The following GATAD2B variants were observed in gnomAD, a reference collection of about 807,000 sequenced individuals.
GATAD2B encodes the protein transcriptional repressor p66-beta.
Under a neutral mutation model 64.3 loss-of-function variants are expected in GATAD2B, and 8 were observed. The observed-to-expected ratio is 0.12, with a 90% CI of 0.07 to 0.22. GATAD2B has a LOEUF of 0.22. Ranked by LOEUF, GATAD2B falls within the 10% of genes least tolerant of loss-of-function variation. The pLI is 1.00. For missense variants in GATAD2B, 453 were observed against 752.0 expected, an observed-to-expected ratio of 0.60 and a Z score of 4.65; for synonymous variants, 281 against 271.3, an observed-to-expected ratio of 1.04 and a Z score of -0.35.
intron 1 of GATAD2B, among the ~76,000 whole-genome samples, chr1:153,854,792 G>T (rs1179755368): frequency 2.0e-5 from 3 of 152,100 alleles, no homozygotes; most frequent in Non-Finnish European, 4.4e-5. Context: ...AATTGCAAAA[G>T]GAAAAACACA....
Position 153,876,227 on chromosome 1 carries a change from C to CAAAAAAAAAAAAAAAAAAAAAAAAAAA in GATAD2B, c.-2+46479_-2+46505dup, listed in dbSNP as rs71093296. On this transcript the variant is annotated intron_variant, in intron 1 of 10. Coordinates refer to ENST00000368655, the MANE Select transcript of GATAD2B (RefSeq NM_020699.4). ...TGGGCAACACAGTGAGACTTCGTCT[C>CAAAAAAAAAAAAAAAAAAAAAAAAAAA]AAAAAAAAAAAAAAAAAAAAAAAAA... is the stretch of plus-strand genomic sequence containing the variant. 1.0e-4 allele frequency among the ~76,000 whole-genome samples: 5 copies of CAAAAAAAAAAAAAAAAAAAAAAAAAAA among 48,430 alleles called. 1 individual carries two copies. The highest frequency in any genetic ancestry group is 1.4e-4 in the Non-Finnish European group (4 of 28,612). 31.8% of individuals were successfully genotyped at this position (48,430 alleles called of 152,430 possible).
At chr1:153,904,040 G>A (rs1420824522) in intron 1 of GATAD2B, among the ~76,000 whole-genome samples, 1 of 152,078 alleles carries the variant, frequency 6.6e-6, no homozygotes, top group African/African-American at 2.4e-5. Context: ...CAGCACTTCG[G>A]GAAGGTAAGG....
intron 2 of GATAD2B, among the ~76,000 whole-genome samples, chr1:153,821,508 A>T (rs1246291690): frequency 6.6e-6 from 1 of 152,168 alleles, no homozygotes; most frequent in African/African-American, 2.4e-5. Flanking sequence ...CACTAGAGGG[A>T]GAAAAGAGCC....
chr1:153,828,497 T>C (rs992652799), intron 1 of GATAD2B, 149 bp from the exon 2 acceptor site: 6 of 603,590 alleles, frequency 9.9e-6, no homozygotes, highest in Non-Finnish European at 1.4e-5. Flanking sequence ...CACACAAAGT[T>C]CAAAGTTAAC....
intron 1 of GATAD2B, among the ~76,000 whole-genome samples, chr1:153,883,832 G>A (rs1298870894): frequency 4.0e-5 from 6 of 151,870 alleles, no homozygotes; most frequent in Non-Finnish European, 7.4e-5. Context: ...AGTACTCTAC[G>A]TTTACTATAT....
At chr1:153,871,135 C>T (rs373409208) in intron 1 of GATAD2B, among the ~76,000 whole-genome samples, 14 of 151,926 alleles carry the variant, frequency 9.2e-5, no homozygotes, top group Middle Eastern at 3.4e-3. Flanking sequence ...GGCGCGATCT[C>T]GGCTCACCAC....
At chr1:153,873,394 T>C (rs1371149674) in intron 1 of GATAD2B, among the ~76,000 whole-genome samples, 9 of 152,340 alleles carry the variant, frequency 5.9e-5, no homozygotes, top group African/African-American at 2.2e-4. Flanking sequence ...TGGTGCCCAA[T>C]GCAGGCGTGT....
chr1:153,847,153 G>C (rs1675715008), intron 1 of GATAD2B, among the ~76,000 whole-genome samples: 1 of 151,938 alleles, frequency 6.6e-6, no homozygotes, highest in Admixed American at 6.6e-5. Context: ...TTTTAGTGGA[G>C]ACAGGGTTTC....
rs1674320121 is a variant in GATAD2B, at chr1:153,812,310, C to T, written c.1420-178G>A. 3 of 558,042 alleles carry T rather than the reference C, an allele frequency of 5.4e-6. No homozygotes were observed. The Admixed American group carries it at 9.8e-5, about 18-fold the overall frequency. 34.6% of individuals were successfully genotyped at this position (558,042 alleles called of 1,614,324 possible). On this transcript the variant is annotated intron_variant, in intron 8 of 10. Transcript: ENST00000368655. Reference sequence around the variant, plus strand: ...CTCCCCAAAGTGCTGGGATTACAGGCATGAATCACTGCACCTGGCCCACCC... The same window carrying T: ...CTCCCCAAAGTGCTGGGATTACAGGTATGAATCACTGCACCTGGCCCACCC...
At chr1:153,896,706 G>C (rs1210819732) in intron 1 of GATAD2B, among the ~76,000 whole-genome samples, 2 of 152,086 alleles carry the variant, frequency 1.3e-5, no homozygotes. Flanking sequence ...AAAGTGCTGG[G>C]ATTACAGGCA....
At chr1:153,867,026 C>T (rs2101926118) in intron 1 of GATAD2B, among the ~76,000 whole-genome samples, 1 of 152,232 alleles carries the variant, frequency 6.6e-6, no homozygotes, top group African/African-American at 2.4e-5. Context: ...GATCTGCCTG[C>T]CTCAGTCTCC....
At chr1:153,896,975 C>T (rs116046734) in intron 1 of GATAD2B, among the ~76,000 whole-genome samples, 1,954 of 151,546 alleles carry the variant, frequency 0.013, 42 homozygotes, top group African/African-American at 0.045. Context: ...CAAATACTTC[C>T]AGTTAATTAA....
intron 7 of GATAD2B, among the ~76,000 whole-genome samples, chr1:153,814,234 C>T (rs1221673900): frequency 6.6e-6 from 1 of 152,220 alleles, no homozygotes; most frequent in Non-Finnish European, 1.5e-5. Flanking sequence ...AATACTGACT[C>T]CTCTGGGCAC....
intron 1 of GATAD2B, among the ~76,000 whole-genome samples, chr1:153,892,373 T>C (rs1677442090): frequency 6.6e-6 from 1 of 151,902 alleles, no homozygotes; most frequent in Non-Finnish European, 1.5e-5. Context: ...GCTGACCAAA[T>C]ATTAAACATA....
intron 1 of GATAD2B, among the ~76,000 whole-genome samples, chr1:153,841,440 A>G (rs1185591407): frequency 2.6e-5 from 4 of 152,108 alleles, no homozygotes; most frequent in Non-Finnish European, 5.9e-5. Context: ...CATCTACCCT[A>G]TCCCCTCCCA....
At chr1:153,920,975 C>CA (rs1406246609) in intron 1 of GATAD2B, among the ~76,000 whole-genome samples, 2 of 152,192 alleles carry the variant, frequency 1.3e-5, no homozygotes. Context: ...ATATCCGTCA[C>CA]AAAAAAAGCA....
chr1:153,844,818 C>T (rs538144092), intron 1 of GATAD2B, among the ~76,000 whole-genome samples: 2 of 148,906 alleles, frequency 1.3e-5, no homozygotes, highest in Non-Finnish European at 3.0e-5. Context: ...GGCTAGATGA[C>T]GAGTTAGTGG....
At chr1:153,828,932 A>G (rs746529544) in intron 1 of GATAD2B, among the ~76,000 whole-genome samples, 10 of 152,194 alleles carry the variant, frequency 6.6e-5, no homozygotes, top group Non-Finnish European at 1.5e-4. Context: ...TAGGCCGGAC[A>G]TGGTGGCTCA....
rs1185265302 is a variant in GATAD2B, at chr1:153,816,850, G to T, written c.901-262C>A. On this transcript the variant is annotated intron_variant, in intron 6 of 10. Transcript: ENST00000368655. The surrounding 1 kb of genome is among the most constrained non-coding windows in gnomAD (Gnocchi z 4.9). ...TATAATCTCAGCACTTTGGGAGGCC[G>T]AGGTAGGCAGATCACTTGAGGTGAG... Among the ~76,000 whole-genome samples, 2 of 152,166 alleles carry T rather than the reference G, an allele frequency of 1.3e-5. No individual in the cohort carries two copies. The highest frequency in any genetic ancestry group is 2.9e-5 in the Non-Finnish European group (2 of 68,026).
Sources: allele counts gnomAD v4.1 joint callset (sites outside exome capture counted in the v4.1 genomes callset), GRCh38; gene constraint gnomAD v4.1.1; non-coding constraint Gnocchi (gnomAD v3.1); transcripts MANE v1.5; gene names NCBI Gene and HGNC (gene_info 2026-07-23, HGNC 2026-07-21).